ENOX2: variants seen among roughly 807,000 people sequenced by gnomAD.
The protein encoded by ENOX2 is APK1 antigen.
ENOX2 carries 36 observed loss-of-function variants against 45.0 expected under a neutral mutation model. The ratio of observed to expected loss-of-function variants is 0.80; its 90% CI spans 0.61 to 1.06. ENOX2 has a LOEUF of 1.06. ENOX2 is among the 50% of genes least tolerant of loss of function. ENOX2 has a pLI of 0.00. For synonymous variants in ENOX2, 174 were observed against 152.3 expected, an observed-to-expected ratio of 1.14 and a Z score of -1.05; for missense variants, 423 against 462.5, an observed-to-expected ratio of 0.91 and a Z score of 0.78.
At chrX:130,683,155 T>C (rs1030460101) in intron 5 of ENOX2, among the ~76,000 whole-genome samples, 1 of 112,202 alleles carries the variant, frequency 8.9e-6, no homozygotes, top group Non-Finnish European at 1.9e-5. Context: ...GGGAGCTATG[T>C]TGGGGCAATC....
chrX:130,839,193 G>C (rs1227867584), intron 2 of ENOX2, among the ~76,000 whole-genome samples: 1 of 112,177 alleles, frequency 8.9e-6, no homozygotes, highest in South Asian at 3.7e-4. Context: ...TCACCTTTCT[G>C]ATTTTCTGGA....
intron 14 of ENOX2, among the ~76,000 whole-genome samples, chrX:130,626,909 C>T (rs977069420): frequency 9.0e-6 from 1 of 111,211 alleles, no homozygotes; most frequent in East Asian, 2.8e-4. Flanking sequence ...AATTTATGGG[C>T]ACATTTCACT....
chrX:130,686,329 A>G (rs2037448613), intron 5 of ENOX2, among the ~76,000 whole-genome samples: 1 of 110,298 alleles, frequency 9.1e-6, no homozygotes, highest in Non-Finnish European at 1.9e-5. Flanking sequence ...TGGTTGTTTA[A>G]AAGTCAGGAG....
intron 3 of ENOX2, among the ~76,000 whole-genome samples, chrX:130,736,089 T>C (rs2038853470): frequency 8.9e-6 from 1 of 111,780 alleles, no homozygotes; most frequent in South Asian, 3.7e-4. Flanking sequence ...GATGGCCAGG[T>C]GCAGTGTCTC....
chrX:130,882,398 C>G (rs2078833633), intron 2 of ENOX2, among the ~76,000 whole-genome samples: 1 of 107,888 alleles, frequency 9.3e-6, no homozygotes, highest in Non-Finnish European at 1.9e-5. Context: ...AGGATAAGAT[C>G]TGCATTTAGG....
chrX:130,787,874 C>T (rs1337521863), intron 2 of ENOX2, among the ~76,000 whole-genome samples: 1 of 111,439 alleles, frequency 9.0e-6, no homozygotes, highest in Admixed American at 9.6e-5. Context: ...GGACATCTCA[C>T]TCAGTAAGCT....
At chrX:130,631,420 C>G (rs1466528788) in intron 13 of ENOX2, 48 bp downstream of exon 13, 2 of 708,148 alleles carry the variant, frequency 2.8e-6, no homozygotes, top group Non-Finnish European at 4.6e-6. Context: ...TCCTCTCCTC[C>G]ATTGTACCCA....
At chrX:130,874,366 G>A (rs981246808) in intron 2 of ENOX2, among the ~76,000 whole-genome samples, 6 of 112,342 alleles carry the variant, frequency 5.3e-5, no homozygotes, top group Non-Finnish European at 9.4e-5. Context: ...TAAAGAGTGG[G>A]AAGAAAGGGC....
intron 3 of ENOX2, among the ~76,000 whole-genome samples, chrX:130,763,162 C>T (rs1005523217): frequency 1.8e-5 from 2 of 110,979 alleles, no homozygotes; most frequent in African/African-American, 6.6e-5. Flanking sequence ...GATTGTTTTC[C>T]CATAGTTTTG....
At chrX:130,656,232 G>A (rs2036543700) in intron 10 of ENOX2, among the ~76,000 whole-genome samples, 1 of 112,642 alleles carries the variant, frequency 8.9e-6, no homozygotes, top group Non-Finnish European at 1.9e-5. Context: ...TGTTCAAAAA[G>A]TTTGCCCTAT....
chrX:130,705,284 A>G (rs943463497), intron 3 of ENOX2, among the ~76,000 whole-genome samples: 3 of 112,150 alleles, frequency 2.7e-5, no homozygotes. Flanking sequence ...ACAAACAAAC[A>G]GGAACACTTC....
At chrX:130,834,909 A>T (rs893285332) in intron 2 of ENOX2, among the ~76,000 whole-genome samples, 4 of 111,884 alleles carry the variant, frequency 3.6e-5, no homozygotes, top group Non-Finnish European at 5.7e-5. Flanking sequence ...AAAGATAAGC[A>T]CCTAGGAACA....
At chrX:130,654,042 A>G (rs750538015) in intron 10 of ENOX2, among the ~76,000 whole-genome samples, 2 of 112,347 alleles carry the variant, frequency 1.8e-5, no homozygotes, top group Admixed American at 1.9e-4. Flanking sequence ...TCTTCAGTAT[A>G]CCAAGTCTGA....
chrX:130,696,210 A>G (rs2037754715), intron 4 of ENOX2, among the ~76,000 whole-genome samples: 1 of 111,933 alleles, frequency 8.9e-6, no homozygotes, highest in African/African-American at 3.2e-5. Context: ...CCACCAGTGG[A>G]GCTTTATTCC....
chrX:130,891,364 T>C (rs1461513684), intron 2 of ENOX2, among the ~76,000 whole-genome samples: 1 of 107,791 alleles, frequency 9.3e-6, no homozygotes, highest in Non-Finnish European at 1.9e-5. Flanking sequence ...ATGAGTTGTT[T>C]GGTCCAATAA....
chrX:130,883,826 T>A (rs1420080088), intron 2 of ENOX2, among the ~76,000 whole-genome samples: 1 of 111,387 alleles, frequency 9.0e-6, no homozygotes. Context: ...CCTACAAATC[T>A]CCCTCTTGAA....
At chrX:130,678,147 C>G (rs1447989530) in intron 6 of ENOX2, among the ~76,000 whole-genome samples, 1 of 109,716 alleles carries the variant, frequency 9.1e-6, no homozygotes. Context: ...GAAAATGGAC[C>G]AAGACACACC....
At chrX:130,799,909 CA>C (rs1281598129) in intron 2 of ENOX2, among the ~76,000 whole-genome samples, 3 of 103,810 alleles carry the variant, frequency 2.9e-5, no homozygotes, top group African/African-American at 1.1e-4. Flanking sequence ...TGATGCTGCT[CA>C]AAAAAAAAGC....
At chrX:130,744,371 G>T (rs1346610385) in intron 3 of ENOX2, among the ~76,000 whole-genome samples, 2 of 112,047 alleles carry the variant, frequency 1.8e-5, no homozygotes, top group Non-Finnish European at 3.8e-5. Flanking sequence ...TAAGATTGCT[G>T]CTATGTGTCT....
Sources: gnomAD v4.1 joint callset for allele counts (sites outside exome capture counted in the v4.1 genomes callset) on GRCh38, gnomAD v4.1.1 for gene constraint, MANE v1.5 for transcripts, NCBI Gene and HGNC (gene_info 2026-07-23, HGNC 2026-07-21) for gene names.